Variants in SLCO1B1 observed in about 807,000 individuals in gnomAD.
The protein encoded by SLCO1B1 is solute carrier organic anion transporter family member 1B1, also known as OATP-2.
Under a neutral mutation model 70.1 loss-of-function variants are expected in SLCO1B1, and 81 were observed. The ratio of observed to expected loss-of-function variants is 1.16; its 90% CI spans 0.97 to 1.39. SLCO1B1 has a LOEUF of 1.39. Among genes scored for constraint, SLCO1B1 ranks in the 40% most tolerant of loss-of-function variants. The pLI, the probability that SLCO1B1 is intolerant of heterozygous loss-of-function variation, is 0.00. For missense variants in SLCO1B1, 895 were observed against 799.6 expected, an observed-to-expected ratio of 1.12 and a Z score of -1.44; for synonymous variants, 283 against 271.5, an observed-to-expected ratio of 1.04 and a Z score of -0.42.
chr12:21,236,306 G>A (rs1941595235), intron 14 of SLCO1B1, among the ~76,000 whole-genome samples: 1 of 152,154 alleles, frequency 6.6e-6, no homozygotes. Flanking sequence ...TCTCCCCAAA[G>A]TCCACTGACC....
rs1412669292 is a variant in SLCO1B1, at chr12:21,200,521, T to C, written c.984T>C (p.Ser328=). 10 of 1,574,642 alleles carry C rather than the reference T, an allele frequency of 6.4e-6. No individual in the cohort carries two copies. In the Admixed American group the frequency reaches 1.8e-4, roughly 29 times the overall value. The change falls in exon 9 of 15, where the codon TCT becomes TCC. Residue 328 remains serine, a synonymous_variant. Coordinates refer to ENST00000256958, the MANE Select transcript of SLCO1B1 (RefSeq NM_006446.5). Reference sequence around the variant, plus strand: ...ACAATTTTACAGGTTTTTTCCAGTCTTTTAAAAGCATCCTTACTAATCCCC... The same window carrying C: ...ACAATTTTACAGGTTTTTTCCAGTCCTTTAAAAGCATCCTTACTAATCCCC... The part of the protein sequence containing the change: ...ITKNVTGFFQ[S]FKSILTNPLY...
chr12:21,213,827 G>T (rs1301046624), intron 11 of SLCO1B1, among the ~76,000 whole-genome samples: 1 of 148,788 alleles, frequency 6.7e-6, no homozygotes, highest in Non-Finnish European at 1.5e-5. Context: ...ATCTTCCATT[G>T]CTGATACCCT....
chr12:21,174,664 G>T lies in SLCO1B1; in HGVS notation c.314G>T (p.Gly105Val), dbSNP rs773434165. ...KLIGIGCFIM[G>V]IGGVLTALPH... ...ATTGGAATCGGTTGTTTCATTATGGGAATTGGAGGTGTTTTGACTGCTTTG... is the reference window on the plus strand; with the variant it reads ...ATTGGAATCGGTTGTTTCATTATGGTAATTGGAGGTGTTTTGACTGCTTTG... Residue 105 changes from glycine to valine, a missense_variant, in exon 4 of 15, where the codon GGA becomes GTA. Coordinates refer to ENST00000256958, the MANE Select transcript of SLCO1B1 (RefSeq NM_006446.5). 8.7e-6 allele frequency: 14 copies of T among 1,611,986 alleles called. No individual in the cohort carries two copies. Among genetic ancestry groups the T allele is most frequent in the Admixed American group, 8.4e-5 (5 of 59,860 alleles).
intron 2 of SLCO1B1, among the ~76,000 whole-genome samples, chr12:21,150,645 A>T (rs776107534): frequency 6.6e-6 from 1 of 152,192 alleles, no homozygotes; most frequent in Non-Finnish European, 1.5e-5. Context: ...AAGGAATAGC[A>T]TCAACATCAA....
intron 2 of SLCO1B1, among the ~76,000 whole-genome samples, chr12:21,161,286 T>C (rs1940615533): frequency 6.6e-6 from 1 of 152,014 alleles, no homozygotes; most frequent in African/African-American, 2.4e-5. Context: ...CAATGACAGA[T>C]TGGATAAAGA....
chr12:21,165,002 T>G, intron 2 of SLCO1B1: 1 of 352,608 alleles, frequency 2.8e-6, no homozygotes, highest in Non-Finnish European at 5.5e-6. Context: ...CTGCCTCAAC[T>G]ACATAGCTTA....
At chr12:21,196,207 G>A (rs1941089994) in intron 7 of SLCO1B1, among the ~76,000 whole-genome samples, 1 of 152,006 alleles carries the variant, frequency 6.6e-6, no homozygotes, top group Non-Finnish European at 1.5e-5. Flanking sequence ...AAGAAAAAAG[G>A]GTCCAGTCCT....
At chr12:21,214,414 C>T (rs1395720042) in intron 11 of SLCO1B1, among the ~76,000 whole-genome samples, 3 of 147,546 alleles carry the variant, frequency 2.0e-5, no homozygotes, top group Non-Finnish European at 4.5e-5. Context: ...AGGCAGTGTG[C>T]CCGTTCTCAG....
intron 2 of SLCO1B1, among the ~76,000 whole-genome samples, chr12:21,158,107 A>G (rs982816978): frequency 3.3e-5 from 5 of 152,222 alleles, no homozygotes; most frequent in African/African-American, 9.6e-5. Flanking sequence ...TCTCTAAGAT[A>G]ATATGTGAAA....
At chr12:21,222,471 T>C (rs1565443493) in intron 13 of SLCO1B1, 107 bp downstream of exon 13, 1 of 249,150 alleles carries the variant, frequency 4.0e-6, no homozygotes, top group Non-Finnish European at 7.1e-6. Flanking sequence ...TAAATATTAA[T>C]GTCAAGGATT....
intron 1 of SLCO1B1, among the ~76,000 whole-genome samples, chr12:21,137,806 C>T (rs1309644296): frequency 3.3e-5 from 5 of 152,326 alleles, no homozygotes; most frequent in East Asian, 1.9e-4. Flanking sequence ...AATGCCTCGC[C>T]CTGCTTTGGC....
intron 11 of SLCO1B1, 125 bp downstream of exon 11, chr12:21,206,158 T>A (rs1941212906): frequency 1.2e-6 from 1 of 810,992 alleles, no homozygotes; most frequent in African/African-American, 1.7e-5. Context: ...TTTCCAGTAT[T>A]ATCTGTTATT....
chr12:21,199,137 G>T (rs1426740530), intron 8 of SLCO1B1, among the ~76,000 whole-genome samples: 2 of 151,586 alleles, frequency 1.3e-5, no homozygotes, highest in Non-Finnish European at 2.9e-5. Flanking sequence ...CTTATTTCAA[G>T]CAGATGCAAC....
At chr12:21,210,578 A>G (rs902640411) in intron 11 of SLCO1B1, among the ~76,000 whole-genome samples, 3 of 145,800 alleles carry the variant, frequency 2.1e-5, no homozygotes, top group Non-Finnish European at 4.6e-5. Flanking sequence ...ACTTTAAAGT[A>G]TTTTCCAATT....
At position 21,200,673 on chromosome 12, in the gene SLCO1B1, G is replaced by T; in HGVS notation, c.1135+1G>T. The T allele has an allele frequency of 6.2e-7, 1 of 1,610,528 alleles. No homozygotes were observed. Among genetic ancestry groups the T allele is most frequent in the Non-Finnish European group, 8.5e-7 (1 of 1,178,032 alleles). On this transcript the variant is annotated splice_donor_variant, in intron 9 of 14. Coordinates refer to ENST00000256958, the MANE Select transcript of SLCO1B1 (RefSeq NM_006446.5). LOFTEE classifies it high-confidence loss of function. The stretch of plus-strand genomic sequence containing the variant: ...TCATCTAAGGCTAACATCTTATTGG[G>T]TAAGACATATTTTTTACTTGTGTGC...
intron 14 of SLCO1B1, among the ~76,000 whole-genome samples, chr12:21,236,178 T>TA: frequency 6.6e-6 from 1 of 152,252 alleles, no homozygotes; most frequent in South Asian, 2.1e-4. Flanking sequence ...ACTGCCTCCT[T>TA]CAGTAATTGG....
At position 21,145,473 on chromosome 12, in the gene SLCO1B1, ATT is replaced by A. The variant is rs35334634; in HGVS notation, c.84+3840_84+3841del. ...TGCCACTTCACCCAGCATTTTTTTC[ATT>A]TTTTTTTTTTTTTTTTTTTTTTTTA... On this transcript the variant is annotated intron_variant, in intron 2 of 14. Coordinates refer to ENST00000256958, the MANE Select transcript of SLCO1B1 (RefSeq NM_006446.5). Among the ~76,000 whole-genome samples the A allele has an allele frequency of 5.4e-3, 407 of 76,072 alleles. 4 individuals are homozygous for A. Among genetic ancestry groups the A allele is most frequent in the African/African-American group, 0.02 (352 of 17,984 alleles). The allele number at this position is 76,072 out of a possible 152,430, so 49.9% of individuals were successfully genotyped here.
chr12:21,150,191 C>G (rs1350853810), intron 2 of SLCO1B1, among the ~76,000 whole-genome samples: 1 of 152,116 alleles, frequency 6.6e-6, no homozygotes, highest in Non-Finnish European at 1.5e-5. Context: ...GCAGCAGCCC[C>G]AGTCACGGGC....
intron 1 of SLCO1B1, among the ~76,000 whole-genome samples, chr12:21,132,846 A>G (rs1439917600): frequency 1.3e-5 from 2 of 151,818 alleles, no homozygotes; most frequent in African/African-American, 4.8e-5. Flanking sequence ...ATTATATCTC[A>G]TTTGTCATTT....
Sources: gnomAD v4.1 joint callset for allele counts (sites outside exome capture counted in the v4.1 genomes callset) on GRCh38, gnomAD v4.1.1 for gene constraint, MANE v1.5 for transcripts, NCBI Gene and HGNC (gene_info 2026-07-23, HGNC 2026-07-21) for gene names.